The following COL11A1 variants were observed in gnomAD, a reference collection of about 807,000 sequenced individuals.
The protein encoded by COL11A1 is collagen type XI alpha 1 chain.
COL11A1 carries 74 observed loss-of-function variants against 265.2 expected under a neutral mutation model. That is an observed-to-expected ratio of 0.28 (90% CI 0.23 to 0.34). COL11A1 has a LOEUF of 0.34. Ranked by LOEUF, COL11A1 falls within the 10% of genes least tolerant of loss-of-function variation. The pLI is 1.00. For missense variants in COL11A1, 2,165 were observed against 2,263.6 expected, an observed-to-expected ratio of 0.96 and a Z score of 0.88; for synonymous variants, 816 against 727.6, an observed-to-expected ratio of 1.12 and a Z score of -1.96.
chr1:102,997,765 C>T (rs1265679521), intron 25 of COL11A1, among the ~76,000 whole-genome samples: 1 of 151,780 alleles, frequency 6.6e-6, no homozygotes, highest in African/African-American at 2.4e-5. Flanking sequence ...TACATAATTT[C>T]ATTGTTTATT....
At chr1:102,898,568 A>C in intron 56 of COL11A1, 98 bp downstream of exon 56, 1 of 871,382 alleles carries the variant, frequency 1.1e-6, no homozygotes, top group South Asian at 1.5e-5. Flanking sequence ...CCACGTTATA[A>C]CTTATGAAAT....
At chr1:102,958,740 C>T (rs75596108) in intron 41 of COL11A1, among the ~76,000 whole-genome samples, 7,710 of 152,232 alleles carry the variant, frequency 0.051, 250 homozygotes, top group Middle Eastern at 0.14. Context: ...CAAATAAACA[C>T]AGTGAGCATC....
intron 46 of COL11A1, among the ~76,000 whole-genome samples, chr1:102,927,659 A>C (rs933071299): frequency 1.4e-4 from 22 of 152,032 alleles, no homozygotes; most frequent in African/African-American, 3.4e-4. Context: ...ACAAAAAAAA[A>C]ACCAAAAACC....
chr1:102,897,169 G>A lies in COL11A1; in HGVS notation c.4302+956C>T, dbSNP rs371518892. Among the ~76,000 whole-genome samples, 72 of 151,948 alleles carry A rather than the reference G, an allele frequency of 4.7e-4. 4 individuals are homozygous for A. The South Asian group carries it at 0.015, about 31-fold the overall frequency. ...TGCTTTGCATACCAAAGATGCTGTG[G>A]CATCTTTGTTAAAAGGAATAACCAA... On this transcript the variant is annotated intron_variant, in intron 57 of 66. Transcript: ENST00000370096.
At position 102,876,691 on chromosome 1, in the gene COL11A1, T is replaced by C. The variant is rs1649541323; in HGVS notation, c.*1328A>G. The C allele has an allele frequency of 6.6e-6, 1 of 152,492 alleles. No individual in the cohort carries two copies. Among genetic ancestry groups the C allele is most frequent in the South Asian group, 2.1e-4 (1 of 4,830 alleles). The allele number at this position is 152,492 out of a possible 1,614,324, so 9.4% of individuals were successfully genotyped here. On this transcript the variant is annotated 3_prime_UTR_variant, in exon 67 of 67. Transcript: ENST00000370096. ...CACTTTATATAAGAAATAAAACATT[T>C]ATTTTCAAGTCTTACATATATTACT...
intron 37 of COL11A1, among the ~76,000 whole-genome samples, chr1:102,968,803 T>G (rs1661681701): frequency 6.6e-6 from 1 of 152,248 alleles, no homozygotes; most frequent in African/African-American, 2.4e-5. Context: ...ATTATGCTGT[T>G]TTTCTTCTAT....
chr1:103,086,524 C>G (rs976142558), intron 1 of COL11A1, among the ~76,000 whole-genome samples: 11 of 152,166 alleles, frequency 7.2e-5, no homozygotes, highest in African/African-American at 2.7e-4. Flanking sequence ...TCACGCCACT[C>G]TCCTGCCTCA....
intron 53 of COL11A1, 145 bp from the exon 54 acceptor site, chr1:102,912,357 T>C: frequency 1.6e-6 from 1 of 632,950 alleles, no homozygotes; most frequent in Non-Finnish European, 2.8e-6. Context: ...CTATTTCAGA[T>C]ACCTAAACTT....
At chr1:103,015,171 A>G (rs943076830) in intron 12 of COL11A1, among the ~76,000 whole-genome samples, 7 of 152,038 alleles carry the variant, frequency 4.6e-5, no homozygotes, top group African/African-American at 1.7e-4. Flanking sequence ...TTATTTCTTG[A>G]AACTTTGTTC....
At chr1:102,951,112 C>A (rs1659830549) in intron 41 of COL11A1, among the ~76,000 whole-genome samples, 1 of 152,070 alleles carries the variant, frequency 6.6e-6, no homozygotes, top group South Asian at 2.1e-4. Context: ...TTCTTTATAG[C>A]AGCACGAAAA....
chr1:103,087,307 G>A (rs1260020954), intron 1 of COL11A1, among the ~76,000 whole-genome samples: 2 of 152,134 alleles, frequency 1.3e-5, no homozygotes, highest in Non-Finnish European at 1.5e-5. Context: ...TAGAATATCA[G>A]AGCCCAATGT....
intron 14 of COL11A1, 25 bp downstream of exon 14, chr1:103,012,388 T>A (rs372992367): frequency 1.8e-5 from 28 of 1,597,348 alleles, no homozygotes; most frequent in Non-Finnish European, 2.4e-5. Flanking sequence ...TTTTAACATA[T>A]ATTATCTTTG....
At chr1:102,983,038 A>G (rs999318838) in intron 31 of COL11A1, among the ~76,000 whole-genome samples, 2 of 152,088 alleles carry the variant, frequency 1.3e-5, no homozygotes, top group Admixed American at 1.3e-4. Context: ...TCCCTCCTGT[A>G]TCATAACCAT....
chr1:102,945,247 ACTCTCTCTCTCTCTCT>A (rs3056651), intron 42 of COL11A1, among the ~76,000 whole-genome samples: 56 of 129,180 alleles, frequency 4.3e-4, no homozygotes, highest in Admixed American at 8.8e-4. Flanking sequence ...TTTTCTTTTT[ACTCTCTCTCTCTCTCT>A]CTCTCTCTCT....
chr1:102,923,344 C>T lies in COL11A1; in HGVS notation c.3646G>A (p.Gly1216Ser), dbSNP rs2101086556. The T allele has an allele frequency of 1.2e-6, 2 of 1,606,734 alleles. No homozygotes were observed. The highest frequency in any genetic ancestry group is 1.7e-6 in the Non-Finnish European group (2 of 1,175,670). ...PGEKGENGDV[G>S]PMGPPGPPGP... ...CAAAAATAAAAACTTACCATGGGAC[C>T]AACATCCCCATTTTCACCTTTTTCA... is the stretch of plus-strand genomic sequence containing the variant. The change falls in exon 47 of 67, where the codon GGT becomes AGT. Residue 1216 changes from glycine to serine, a missense_variant. Coordinates refer to ENST00000370096, the MANE Select transcript of COL11A1 (RefSeq NM_001854.4).
intron 49 of COL11A1, 37 bp from the exon 50 acceptor site, chr1:102,915,721 A>ATCT (rs1655259593): frequency 6.9e-7 from 1 of 1,446,164 alleles, no homozygotes; most frequent in African/African-American, 1.4e-5. Context: ...TAGAATACAG[A>ATCT]GATGATCTTT....
chr1:102,908,838 T>G (rs1654305860), intron 54 of COL11A1, among the ~76,000 whole-genome samples: 2 of 152,152 alleles, frequency 1.3e-5, no homozygotes, highest in Admixed American at 6.5e-5. Flanking sequence ...TTTTTAAGGG[T>G]TTTTAAATAC....
At chr1:103,096,575 T>G (rs1673783861) in intron 1 of COL11A1, among the ~76,000 whole-genome samples, 1 of 151,904 alleles carries the variant, frequency 6.6e-6, no homozygotes, top group South Asian at 2.1e-4. Context: ...AAGTCTGAAG[T>G]TCAGGGTAAA....
chr1:103,067,511 A>G (rs1045142319), intron 4 of COL11A1, among the ~76,000 whole-genome samples: 13 of 151,864 alleles, frequency 8.6e-5, no homozygotes, highest in Non-Finnish European at 1.9e-4. Context: ...GTAATTTTAA[A>G]TTTTTATACT....
Sources: gnomAD v4.1 joint callset for allele counts (sites outside exome capture counted in the v4.1 genomes callset) on GRCh38, gnomAD v4.1.1 for gene constraint, MANE v1.5 for transcripts, NCBI Gene and HGNC (gene_info 2026-07-23, HGNC 2026-07-21) for gene names.